ODAD2: variants seen among roughly 807,000 people sequenced by gnomAD.
The protein encoded by ODAD2 is outer dynein arm-docking complex subunit 2.
ODAD2 carries 89 observed loss-of-function variants against 106.8 expected under a neutral mutation model. The ratio of observed to expected loss-of-function variants is 0.83; its 90% confidence interval spans 0.70 to 0.99. The LOEUF (loss-of-function observed/expected upper bound fraction) is 0.99. Among genes scored for constraint, ODAD2 ranks in the 50% least tolerant of loss-of-function variants. The pLI is 0.00. For missense variants in ODAD2, 1,168 were observed against 1,238.5 expected, an observed-to-expected ratio of 0.94 and a Z score of 0.85; for synonymous variants, 404 against 436.2, an observed-to-expected ratio of 0.93 and a Z score of 0.92.
At chr10:27,823,088 G>C (rs779542392) in intron 19 of ODAD2, among the ~76,000 whole-genome samples, 15 of 152,120 alleles carry the variant, frequency 9.9e-5, no homozygotes, top group Non-Finnish European at 1.8e-4. Context: ...GGGAATTGTG[G>C]GACATTGCTC....
In ODAD2 at chr10:27,936,925, C is replaced by A. The variant is rs377520660; in HGVS notation, c.2098-45G>T. On this transcript the variant is annotated intron_variant, in intron 14 of 19. Transcript: ENST00000305242. ...GAGGCTGTCAGTCATCAAGGAATAT[C>A]AAGCTTTCAATGATGCTAAAAAGGC... The A allele has an allele frequency of 1.4e-4, 211 of 1,550,286 alleles. 1 individual carries two copies. The African/African-American group carries it at 2.6e-3, about 19-fold the overall frequency.
chr10:27,813,398 G>C (rs1835890435), intron 19 of ODAD2: 3 of 152,128 alleles, frequency 2.0e-5, no homozygotes, highest in Admixed American at 2.0e-4. Flanking sequence ...CTTTTCAACA[G>C]ATAATTGGCT....
chr10:27,982,106 C>T (rs1849588037), intron 6 of ODAD2, among the ~76,000 whole-genome samples: 1 of 152,110 alleles, frequency 6.6e-6, no homozygotes, highest in Non-Finnish European at 1.5e-5. Flanking sequence ...CTCTTCTTGT[C>T]TCTTTCCTTT....
At chr10:27,997,373 T>G (rs183759120) in intron 1 of ODAD2, 2 of 152,170 alleles carry the variant, frequency 1.3e-5, no homozygotes, top group Non-Finnish European at 2.9e-5. Context: ...GTTCTGTCTG[T>G]CTTTAATCTT....
At chr10:27,885,620 T>C (rs1243433014) in intron 17 of ODAD2, among the ~76,000 whole-genome samples, 1 of 54,500 alleles carries the variant, frequency 1.8e-5, no homozygotes, top group African/African-American at 7.4e-5. Context: ...TATATAAATA[T>C]AAATATATAA....
chr10:27,969,704 C>T (rs1307706611), intron 8 of ODAD2, among the ~76,000 whole-genome samples: 4 of 152,152 alleles, frequency 2.6e-5, no homozygotes, highest in Admixed American at 6.5e-5. Context: ...CCCAGAATCC[C>T]TGCAGGAGAA....
At chr10:27,822,734 G>A (rs1471693695) in intron 19 of ODAD2, among the ~76,000 whole-genome samples, 1 of 152,190 alleles carries the variant, frequency 6.6e-6, no homozygotes, top group Non-Finnish European at 1.5e-5. Context: ...GTTCTATTTG[G>A]TCAGTGAAGG....
chr10:27,872,984 C>A (rs899250976), intron 17 of ODAD2, among the ~76,000 whole-genome samples: 2 of 152,118 alleles, frequency 1.3e-5, no homozygotes, highest in Non-Finnish European at 2.9e-5. Flanking sequence ...TCCCTCTGAT[C>A]CTGGACTTAT....
Position 27,987,367 on chromosome 10 carries a change from ACTGGAG to A in ODAD2, c.382+13_382+18del. ...TTGTTTCTAAAAGTTCAAATCACAG[ACTGGAG>A]CATTAAGATCACCTTCAACACATGC... On this transcript the variant is annotated intron_variant, in intron 3 of 19. Transcript: ENST00000305242. 1 of 1,606,064 alleles carries A rather than the reference ACTGGAG, an allele frequency of 6.2e-7. No individual in the cohort carries two copies. Among genetic ancestry groups the A allele is most frequent in the Non-Finnish European group, 8.5e-7 (1 of 1,176,274 alleles).
intron 17 of ODAD2, among the ~76,000 whole-genome samples, chr10:27,892,645 G>C (rs904733488): frequency 9.9e-5 from 15 of 152,078 alleles, no homozygotes; most frequent in African/African-American, 3.4e-4. Flanking sequence ...CCAACAAAAA[G>C]GTCAATACTT....
chr10:27,827,379 C>CACACTATA (rs1239159370), intron 19 of ODAD2, among the ~76,000 whole-genome samples: 5 of 132,470 alleles, frequency 3.8e-5, no homozygotes, highest in Admixed American at 3.1e-4. Context: ...CACACACACA[C>CACACTATA]TATATATATA....
At chr10:27,831,211 C>G (rs1241124826) in intron 19 of ODAD2, among the ~76,000 whole-genome samples, 2 of 152,210 alleles carry the variant, frequency 1.3e-5, no homozygotes, top group Non-Finnish European at 1.5e-5. Flanking sequence ...TCTGATCTAT[C>G]AGAACAATTC....
chr10:27,915,754 C>A (rs1590008402), intron 16 of ODAD2, among the ~76,000 whole-genome samples: 2 of 152,142 alleles, frequency 1.3e-5, no homozygotes, highest in Non-Finnish European at 2.9e-5. Context: ...AATCCTCTTC[C>A]CCTTGCCTTA....
intron 16 of ODAD2, among the ~76,000 whole-genome samples, chr10:27,911,192 G>C (rs1398880301): frequency 6.6e-6 from 1 of 152,128 alleles, no homozygotes; most frequent in Non-Finnish European, 1.5e-5. Flanking sequence ...CACAGACTGT[G>C]AAAAACGTGG....
At chr10:27,912,934 C>T (rs1462271547) in intron 16 of ODAD2, among the ~76,000 whole-genome samples, 1 of 151,830 alleles carries the variant, frequency 6.6e-6, no homozygotes, top group Non-Finnish European at 1.5e-5. Context: ...TGTGTTATTC[C>T]AAAGAGGCTA....
chr10:27,869,208 G>T (rs1220612315), intron 17 of ODAD2, among the ~76,000 whole-genome samples: 1 of 152,026 alleles, frequency 6.6e-6, no homozygotes, highest in African/African-American at 2.4e-5. Context: ...TTTGTCAATA[G>T]AAGATGTGAA....
rs112475095 is a variant in ODAD2, at chr10:27,833,062, C to T, written c.3022-20437G>A. On this transcript the variant is annotated intron_variant, in intron 19 of 19. Transcript: ENST00000305242. ...GAGATTGGCTTTCCCCCTTGCCTGGCCGTGCTTTTTGAAGTTTTTCATATA... is the reference window on the plus strand; with the variant it reads ...GAGATTGGCTTTCCCCCTTGCCTGGTCGTGCTTTTTGAAGTTTTTCATATA... Among the ~76,000 whole-genome samples, 932 of 152,190 alleles carry T rather than the reference C, an allele frequency of 6.1e-3. 9 individuals are homozygous for T. Among genetic ancestry groups the T allele is most frequent in the African/African-American group, 0.017 (713 of 41,526 alleles).
At chr10:27,957,600 A>G (rs1847827506) in intron 10 of ODAD2, 1 of 152,216 alleles carries the variant, frequency 6.6e-6, no homozygotes, top group Admixed American at 6.5e-5. Context: ...GGAGAAAAGA[A>G]GCTGGAAGGT....
chr10:27,966,675 T>A (rs764649778), intron 9 of ODAD2, among the ~76,000 whole-genome samples: 5 of 152,338 alleles, frequency 3.3e-5, no homozygotes, highest in Non-Finnish European at 4.4e-5. Flanking sequence ...AGGCAAGATG[T>A]GACACAGAGA....
Sources: gnomAD v4.1 joint callset for allele counts (sites outside exome capture counted in the v4.1 genomes callset) on GRCh38, gnomAD v4.1.1 for gene constraint, MANE v1.5 for transcripts, NCBI Gene and HGNC (gene_info 2026-07-23, HGNC 2026-07-21) for gene names.